Variants in RGL1 observed in about 807,000 individuals in gnomAD.
The protein encoded by RGL1 is ral guanine nucleotide dissociation stimulator like 1.
In RGL1, 24 loss-of-function variants were observed where a neutral mutation model predicts 95.2. That is an observed-to-expected ratio of 0.25 (90% confidence interval 0.18 to 0.35). The LOEUF (loss-of-function observed/expected upper bound fraction) is 0.35. RGL1 is among the 10% of genes least tolerant of loss of function. The probability of loss-of-function intolerance (pLI) is 1.00; values close to 1 mark genes in which losing one functional copy is unlikely to be tolerated. For synonymous variants in RGL1, 329 were observed against 344.9 expected (o/e 0.95, Z 0.51); for missense variants, 715 against 936.3 (o/e 0.76, Z 3.08).
At chr1:183,905,063 C>G (rs1292787106) in intron 13 of RGL1, 92 bp downstream of exon 13, 3 of 1,454,936 alleles carry the variant, frequency 2.1e-6, no homozygotes, top group Non-Finnish European at 2.8e-6. Context: ...TATTCAACAA[C>G]TATTTAGTGA....
At chr1:183,868,841 C>A (rs374576037) in intron 4 of RGL1, among the ~76,000 whole-genome samples, 4 of 152,178 alleles carry the variant, frequency 2.6e-5, no homozygotes, top group Non-Finnish European at 5.9e-5. Context: ...GCTGGCCGGG[C>A]GTGGTGGCTC....
chr1:183,763,188 A>G (rs1213088969), intron 2 of RGL1, among the ~76,000 whole-genome samples: 2 of 152,158 alleles, frequency 1.3e-5, no homozygotes, highest in African/African-American at 4.8e-5. Flanking sequence ...GAGCTGAACA[A>G]TGAGAACACA....
chr1:183,815,540 C>G (rs1397768926), intron 2 of RGL1, among the ~76,000 whole-genome samples: 1 of 152,156 alleles, frequency 6.6e-6, no homozygotes, highest in East Asian at 1.9e-4. Flanking sequence ...CTGGCACCTC[C>G]TGGCTGCTTT....
chr1:183,699,553 A>C (rs951709945), intron 1 of RGL1, among the ~76,000 whole-genome samples: 6 of 152,148 alleles, frequency 3.9e-5, no homozygotes, highest in African/African-American at 1.2e-4. Context: ...CAATCTAATA[A>C]ATATGCAGGT....
At chr1:183,791,613 G>T (rs1034902456) in intron 2 of RGL1, among the ~76,000 whole-genome samples, 4 of 152,162 alleles carry the variant, frequency 2.6e-5, no homozygotes, top group Admixed American at 1.3e-4. Context: ...GAGTGTCATA[G>T]AACAGAATAA....
chr1:183,697,502 T>C (rs1187846416), intron 1 of RGL1, among the ~76,000 whole-genome samples: 1 of 152,236 alleles, frequency 6.6e-6, no homozygotes, highest in Non-Finnish European at 1.5e-5. Flanking sequence ...CCTGAATGAA[T>C]TGAATGCATG....
At chr1:183,898,237 C>T (rs1360146867) in intron 10 of RGL1, among the ~76,000 whole-genome samples, 4 of 152,220 alleles carry the variant, frequency 2.6e-5, no homozygotes, top group African/African-American at 9.6e-5. Flanking sequence ...CCACCTTGGC[C>T]TGAGGGCCTC....
intron 1 of RGL1, among the ~76,000 whole-genome samples, chr1:183,664,431 A>C (rs567004047): frequency 6.6e-6 from 1 of 152,218 alleles, no homozygotes; most frequent in South Asian, 2.1e-4. Flanking sequence ...TCATATCTGT[A>C]CTAGTTTAGA....
intron 9 of RGL1, among the ~76,000 whole-genome samples, chr1:183,895,172 C>A (rs1342758830): frequency 6.6e-6 from 1 of 152,180 alleles, no homozygotes; most frequent in Non-Finnish European, 1.5e-5. Context: ...GAGTCTGTTA[C>A]AACTGTGACA....
chr1:183,752,684 C>CTCTCTCTCTCTCTA (rs1658090467), intron 2 of RGL1, among the ~76,000 whole-genome samples: 1 of 145,746 alleles, frequency 6.9e-6, no homozygotes, highest in African/African-American at 2.6e-5. Flanking sequence ...TTCTCTCTCT[C>CTCTCTCTCTCTCTA]TCTCTCTCTC....
chr1:183,642,980 C>T (rs943177398), intron 1 of RGL1, among the ~76,000 whole-genome samples: 4 of 152,186 alleles, frequency 2.6e-5, no homozygotes, highest in Non-Finnish European at 4.4e-5. Context: ...CTGGCAACCA[C>T]CATTTTCTAC....
chr1:183,847,748 A>G lies in RGL1; in HGVS notation c.321A>G (p.Lys107=), dbSNP rs754080127. Residue 107 remains lysine (K), a synonymous_variant, in exon 3 of 18, where the codon AAA becomes AAG. Transcript: ENST00000360851. The part of the protein sequence containing the change: ...LSTYRGFAST[K]EVLELLLDRY... ...CGTACAGAGGCTTTGCCTCCACTAA[A>G]GAAGTGCTGGAACTACTGCTGGACA... 1 of 1,614,060 alleles carries G rather than the reference A, an allele frequency of 6.2e-7. No homozygotes were observed. The highest frequency in any genetic ancestry group is 1.1e-5 in the South Asian group (1 of 91,088).
chr1:183,652,622 C>G (rs1478073600), intron 1 of RGL1, among the ~76,000 whole-genome samples: 1 of 152,136 alleles, frequency 6.6e-6, no homozygotes, highest in Non-Finnish European at 1.5e-5. Flanking sequence ...GGAAATGTAC[C>G]CTGTTTAGGC....
chr1:183,835,611 G>C (rs1663593622), intron 2 of RGL1, among the ~76,000 whole-genome samples: 1 of 152,168 alleles, frequency 6.6e-6, no homozygotes, highest in African/African-American at 2.4e-5. Flanking sequence ...CCCCCAAAGA[G>C]AGTCTTTGGC....
chr1:183,726,607 C>T (rs1254324946), intron 1 of RGL1, among the ~76,000 whole-genome samples: 1 of 152,092 alleles, frequency 6.6e-6, no homozygotes, highest in Non-Finnish European at 1.5e-5. Context: ...CAATTAAGCA[C>T]ATTAATTTGT....
intron 16 of RGL1, among the ~76,000 whole-genome samples, chr1:183,919,228 G>A (rs1669174199): frequency 6.6e-6 from 1 of 152,166 alleles, no homozygotes; most frequent in Non-Finnish European, 1.5e-5. Context: ...AGTGAGAAGT[G>A]TGGCATTGTT....
At chr1:183,921,726 G>A (rs1387260812) in intron 16 of RGL1, among the ~76,000 whole-genome samples, 2 of 151,984 alleles carry the variant, frequency 1.3e-5, no homozygotes, top group Non-Finnish European at 2.9e-5. Context: ...TTTTTATTCC[G>A]CTTGGTAAAT....
intron 1 of RGL1, among the ~76,000 whole-genome samples, chr1:183,664,767 T>G (rs1037658961): frequency 6.6e-6 from 1 of 152,196 alleles, no homozygotes; most frequent in Non-Finnish European, 1.5e-5. Flanking sequence ...TTGCTTATTA[T>G]AGTTCCAGGA....
chr1:183,709,139 A>G (rs1158999456), intron 1 of RGL1, among the ~76,000 whole-genome samples: 1 of 152,124 alleles, frequency 6.6e-6, no homozygotes. Flanking sequence ...CTCAGCCTTC[A>G]GGGGGTACGT....
Sources: gnomAD v4.1 joint callset for allele counts (sites outside exome capture counted in the v4.1 genomes callset) on GRCh38, gnomAD v4.1.1 for gene constraint, MANE v1.5 for transcripts, NCBI Gene and HGNC (gene_info 2026-07-23, HGNC 2026-07-21) for gene names.